The following KNTC1 variants were observed in gnomAD, a reference collection of about 807,000 sequenced individuals.
KNTC1 encodes the protein kinetochore associated 1.
A neutral mutation model predicts 314.4 loss-of-function variants in KNTC1; 253 were observed. That is an observed-to-expected ratio of 0.80 (90% CI 0.73 to 0.89). The LOEUF is 0.89. KNTC1 is among the 40% of genes least tolerant of loss of function. KNTC1 has a pLI of 0.00. For missense variants in KNTC1, 2,475 were observed against 2,572.9 expected (o/e 0.96, Z 0.82); for synonymous variants, 901 against 901.4 (o/e 1.00, Z 0.01).
At chr12:122,581,151 A>T (rs755371661) in intron 33 of KNTC1, among the ~76,000 whole-genome samples, 11 of 151,758 alleles carry the variant, frequency 7.2e-5, no homozygotes, top group Non-Finnish European at 1.3e-4. Flanking sequence ...TAATTCATCC[A>T]CTTAAAATAT....
chr12:122,574,557 C>T (rs1187734945), intron 27 of KNTC1, among the ~76,000 whole-genome samples, 177 bp downstream of exon 27: 1 of 152,166 alleles, frequency 6.6e-6, no homozygotes, highest in Non-Finnish European at 1.5e-5. Flanking sequence ...ATCTCCCTGG[C>T]TCAAGCAATC....
chr12:122,538,873 T>C (rs932261018), intron 4 of KNTC1, among the ~76,000 whole-genome samples: 1 of 152,250 alleles, frequency 6.6e-6, no homozygotes, highest in African/African-American at 2.4e-5. Context: ...TCATGTGTTG[T>C]ATATCTCACT....
At chr12:122,562,439 T>TG (rs1964032590) in intron 19 of KNTC1, among the ~76,000 whole-genome samples, 199 bp from the exon 20 acceptor site, 2 of 144,982 alleles carry the variant, frequency 1.4e-5, no homozygotes, top group African/African-American at 2.6e-5. Flanking sequence ...ATCCCATGTT[T>TG]TGTGTGTGTG....
intron 2 of KNTC1, among the ~76,000 whole-genome samples, chr12:122,532,206 CTTTTTTTTTTT>C (rs139344183): frequency 1.0e-5 from 1 of 99,554 alleles, no homozygotes; most frequent in South Asian, 3.6e-4. Context: ...GCTAATTTTT[CTTTTTTTTTTT>C]TTTTTTTTTT....
At chr12:122,578,435 T>A (rs1382343532) in intron 31 of KNTC1, among the ~76,000 whole-genome samples, 3 of 152,044 alleles carry the variant, frequency 2.0e-5, no homozygotes, top group Non-Finnish European at 4.4e-5. Flanking sequence ...TTTCTTTTCT[T>A]TTTTGAGACA....
rs1052604960 is a variant in KNTC1, at chr12:122,621,965, C to T, written c.6364C>T (p.His2122Tyr). 1 of 1,601,008 alleles carries T rather than the reference C, an allele frequency of 6.2e-7. No homozygotes were observed. The highest frequency in any genetic ancestry group is 8.5e-7 in the Non-Finnish European group (1 of 1,171,988). Residue 2122 changes from histidine to tyrosine, a missense_variant, in exon 61 of 64, where the codon CAT becomes TAT. Physicochemically the swap from His to Tyr is moderately conservative, Grantham distance 83 (BLOSUM62 2). Transcript: ENST00000333479. ...MNTGQLAGFS[H>Y]QIRSLILNNI... ...CACGGGCCAGCTAGCAGGATTTTCA[C>T]ATCAAGTAAGAGGCGATTTCATCTC...
chr12:122,605,226 T>C, intron 50 of KNTC1, 80 bp from the exon 51 acceptor site: 1 of 1,083,632 alleles, frequency 9.2e-7, no homozygotes, highest in Non-Finnish European at 1.3e-6. Context: ...TGTATGTGCA[T>C]ATATACACAT....
At chr12:122,543,563 A>G in intron 6 of KNTC1, 37 bp from the exon 7 acceptor site, 2 of 1,419,588 alleles carry the variant, frequency 1.4e-6, no homozygotes, top group Non-Finnish European at 1.9e-6. Context: ...TTGTAGATTA[A>G]TACTATACAT....
At chr12:122,568,585 C>T (rs554631882) in intron 21 of KNTC1, among the ~76,000 whole-genome samples, 8 of 152,310 alleles carry the variant, frequency 5.3e-5, no homozygotes, top group African/African-American at 1.7e-4. Context: ...GCCTATAATC[C>T]CAGCACTTTG....
intron 40 of KNTC1, among the ~76,000 whole-genome samples, chr12:122,589,852 C>T (rs1041694021): frequency 5.6e-5 from 7 of 124,696 alleles, no homozygotes; most frequent in Non-Finnish European, 7.8e-5. Flanking sequence ...GGCGCGATTT[C>T]GGCTCACTGC....
intron 33 of KNTC1, among the ~76,000 whole-genome samples, chr12:122,581,940 C>T (rs868686715): frequency 6.6e-6 from 1 of 152,152 alleles, no homozygotes; most frequent in Admixed American, 6.5e-5. Context: ...GCAGAAACTC[C>T]GTAGCCATGA....
chr12:122,572,761 A>G (rs1565971110), intron 24 of KNTC1, among the ~76,000 whole-genome samples, 176 bp from the exon 25 acceptor site: 2 of 152,158 alleles, frequency 1.3e-5, no homozygotes, highest in Non-Finnish European at 2.9e-5. Context: ...ATTCTGATCT[A>G]TACTAATTTG....
chr12:122,615,309 T>C (rs1873653927), intron 56 of KNTC1, among the ~76,000 whole-genome samples, 161 bp from the exon 57 acceptor site: 1 of 152,218 alleles, frequency 6.6e-6, no homozygotes, highest in Non-Finnish European at 1.5e-5. Context: ...TTCCCTAGCC[T>C]TTTTTGATAT....
At chr12:122,554,836 C>CT (rs1364286159) in intron 16 of KNTC1, among the ~76,000 whole-genome samples, 3 of 152,150 alleles carry the variant, frequency 2.0e-5, no homozygotes, top group African/African-American at 7.2e-5. Context: ...TAACTCTAAC[C>CT]TTTAAAGAAC....
intron 1 of KNTC1, among the ~76,000 whole-genome samples, chr12:122,529,036 G>A (rs1004395610): frequency 6.6e-6 from 1 of 152,082 alleles, no homozygotes; most frequent in Non-Finnish European, 1.5e-5. Context: ...TAGAGAGGGG[G>A]TTTCGTCATG....
At chr12:122,562,751 T>G in intron 20 of KNTC1, 52 bp downstream of exon 20, 1 of 1,083,688 alleles carries the variant, frequency 9.2e-7, no homozygotes, top group Non-Finnish European at 1.4e-6. Context: ...GTCTCACGCC[T>G]GTAATCCCAG....
intron 42 of KNTC1, 195 bp from the exon 43 acceptor site, chr12:122,594,079 AAG>A (rs1323761642): frequency 1.8e-5 from 10 of 542,472 alleles, no homozygotes; most frequent in Non-Finnish European, 2.3e-5. Context: ...TAGGATGACT[AAG>A]AGGAGTTTCG....
intron 8 of KNTC1, among the ~76,000 whole-genome samples, chr12:122,545,632 G>A (rs578132046): frequency 6.6e-6 from 1 of 152,200 alleles, no homozygotes; most frequent in South Asian, 2.1e-4. Flanking sequence ...TGTCTTTAGT[G>A]CTAGTTGCCT....
At chr12:122,563,482 T>C (rs1964113769) in intron 20 of KNTC1, among the ~76,000 whole-genome samples, 1 of 152,184 alleles carries the variant, frequency 6.6e-6, no homozygotes, top group African/African-American at 2.4e-5. Flanking sequence ...AAACCTTTCA[T>C]GTACAACAGC....
Sources: allele counts gnomAD v4.1 joint callset (sites outside exome capture counted in the v4.1 genomes callset), GRCh38; gene constraint gnomAD v4.1.1; transcripts MANE v1.5; gene names NCBI Gene and HGNC (gene_info 2026-07-23, HGNC 2026-07-21).